ATP6V1E1: variants seen among roughly 807,000 people sequenced by gnomAD.
The protein encoded by ATP6V1E1 is V-type proton ATPase subunit E 1.
Under a neutral mutation model 35.2 loss-of-function variants are expected in ATP6V1E1, and 21 were observed. That is an observed-to-expected ratio of 0.60 (90% CI 0.42 to 0.86). ATP6V1E1 has a LOEUF of 0.86. Ranked by LOEUF, ATP6V1E1 falls within the 40% of genes least tolerant of loss-of-function variation. ATP6V1E1 has a pLI of 0.00. For missense variants in ATP6V1E1, 183 were observed against 272.6 expected (o/e 0.67, Z 2.32); for synonymous variants, 83 against 87.8 (o/e 0.95, Z 0.30).
At chr22:17,603,862 C>CT (rs1371152792) in intron 4 of ATP6V1E1, among the ~76,000 whole-genome samples, 2 of 152,190 alleles carry the variant, frequency 1.3e-5, no homozygotes, top group Non-Finnish European at 2.9e-5. Flanking sequence ...TTTTTCCTCT[C>CT]TGTGCTGGAA....
At chr22:17,593,370 T>C (rs2057714824) in intron 8 of ATP6V1E1, among the ~76,000 whole-genome samples, 1 of 152,144 alleles carries the variant, frequency 6.6e-6, no homozygotes, top group African/African-American at 2.4e-5. Flanking sequence ...CTACACTCTT[T>C]CTTCAACAAA....
chr22:17,620,453 C>G (rs996108306), intron 1 of ATP6V1E1, among the ~76,000 whole-genome samples: 1 of 151,634 alleles, frequency 6.6e-6, no homozygotes, highest in Non-Finnish European at 1.5e-5. Context: ...GGCGAGCAAC[C>G]TTCCCTTCTT....
intron 7 of ATP6V1E1, among the ~76,000 whole-genome samples, chr22:17,596,132 A>AAAATAAATAAATAAATAAATAAAT (rs563541510): frequency 1.1e-4 from 17 of 151,882 alleles, no homozygotes; most frequent in African/African-American, 4.1e-4. Context: ...TCTGTCTCAA[A>AAAATAAATAAATAAATAAATAAAT]AAATAAATAA....
intron 1 of ATP6V1E1, 102 bp from the exon 2 acceptor site, chr22:17,619,628 G>T: frequency 1.0e-6 from 1 of 981,332 alleles, no homozygotes; most frequent in Non-Finnish European, 1.5e-6. Context: ...GCTCACGCCC[G>T]TAATCCTACC....
At position 17,594,596 on chromosome 22, in the gene ATP6V1E1, T is replaced by C. The variant is rs768892237; in HGVS notation, c.551A>G (p.Tyr184Cys). ...AACCTTTATTTTACGATCTCCATTA[T>C]AGATCTCAACTCCACCAGCTCTGCA... ...PEDIAGGVEI[Y>C]NGDRKIKVSN... is the part of the protein sequence containing the mutation. The change falls in exon 8 of 9, where the codon TAT (tyrosine) becomes TGT (cysteine). Residue 184 changes from tyrosine to cysteine, a missense_variant. Transcript: ENST00000253413. The C allele has an allele frequency of 3.8e-5, 61 of 1,587,360 alleles. No homozygotes were observed. In the East Asian group the frequency reaches 1.1e-3, roughly 30 times the overall value.
rs1569202241 is a variant in ATP6V1E1, at chr22:17,598,179, A to G, written c.530+15T>C. On this transcript the variant is annotated intron_variant, in intron 7 of 8. Coordinates refer to ENST00000253413, the MANE Select transcript of ATP6V1E1 (RefSeq NM_001696.4). ...GGGAGAGAAGGTAGCTGTTAGCAGC[A>G]GGAATACTCCTTACATGTCTTCAGG... 1.3e-6 allele frequency: 2 copies of G among 1,595,394 alleles called. No individual in the cohort carries two copies. Among genetic ancestry groups the G allele is most frequent in the Non-Finnish European group, 1.7e-6 (2 of 1,164,016 alleles).
Position 17,600,015 on chromosome 22 carries a change from T to A in ATP6V1E1, c.435+12A>T, listed in dbSNP as rs779947467. 5 of 1,607,204 alleles carry A rather than the reference T, an allele frequency of 3.1e-6. No homozygotes were observed. In the South Asian group the frequency reaches 3.3e-5, roughly 11 times the overall value. On this transcript the variant is annotated intron_variant, in intron 6 of 8. Transcript: ENST00000253413. ...GAGGGAGGGAGGGAAAAAATTATCC[T>A]AAGTTCTTTACCTTTACCAGAGGGA...
At position 17,621,453 on chromosome 22, in the gene ATP6V1E1, G is replaced by A. The variant is rs538349698; in HGVS notation, c.34-1927C>T. ...TGGGACCATAGGTGCGTGTCACCAC[G>A]TCCAGCTTAATTTTGTATTTTTTGT... On this transcript the variant is annotated intron_variant, in intron 1 of 8. Transcript: ENST00000253413. Among the ~76,000 whole-genome samples the A allele has an allele frequency of 2.4e-4, 36 of 152,184 alleles. No individual in the cohort carries two copies. The South Asian group carries it at 3.9e-3, about 17-fold the overall frequency.
intron 1 of ATP6V1E1, among the ~76,000 whole-genome samples, chr22:17,621,006 G>A (rs973056475): frequency 2.0e-5 from 3 of 152,074 alleles, no homozygotes; most frequent in East Asian, 3.9e-4. Context: ...AGCTTGCAGT[G>A]AGCCGAGATC....
chr22:17,598,373 T>C, intron 6 of ATP6V1E1, 85 bp from the exon 7 acceptor site: 1 of 1,036,508 alleles, frequency 9.6e-7, no homozygotes, highest in Non-Finnish European at 1.5e-6. Flanking sequence ...CAAGCAAGGA[T>C]ACCTCCATTT....
At chr22:17,619,006 AG>A (rs1418617905) in intron 2 of ATP6V1E1, 2 of 453,748 alleles carry the variant, frequency 4.4e-6, no homozygotes, top group Non-Finnish European at 8.8e-6. Flanking sequence ...TCAAAATGAA[AG>A]AAGGGGCCAG....
chr22:17,592,851 G>A lies in ATP6V1E1; in HGVS notation c.619-115C>T, dbSNP rs573035197. 4 of 928,518 alleles carry A rather than the reference G, an allele frequency of 4.3e-6. No homozygotes were observed. The Admixed American group carries it at 8.4e-5, about 20-fold the overall frequency. The allele number at this position is 928,518 out of a possible 1,614,324, so 57.5% of individuals were successfully genotyped here. On this transcript the variant is annotated intron_variant, in intron 8 of 8. Transcript: ENST00000253413. ...GGAGTCTCGCTCTGTCGCCCAGGCTGGAGTGCAGTGGCGCATCTCCGCTCA... is the reference window on the plus strand; with the variant it reads ...GGAGTCTCGCTCTGTCGCCCAGGCTAGAGTGCAGTGGCGCATCTCCGCTCA...
intron 2 of ATP6V1E1, among the ~76,000 whole-genome samples, chr22:17,616,010 C>T (rs1160487199): frequency 2.0e-5 from 3 of 150,432 alleles, no homozygotes; most frequent in African/African-American, 4.9e-5. Flanking sequence ...CCAGCCCGGG[C>T]GACAGTGCAA....
At chr22:17,599,489 T>C (rs1285855320) in intron 6 of ATP6V1E1, among the ~76,000 whole-genome samples, 3 of 148,756 alleles carry the variant, frequency 2.0e-5, no homozygotes, top group Admixed American at 6.8e-5. Context: ...GGCAGGAGAA[T>C]TGCTTGAACC....
In ATP6V1E1 at chr22:17,612,883, A is replaced by T. The variant is rs1191619608; in HGVS notation, c.210-5T>A. On this transcript the variant is annotated splice_region_variant and splice_polypyrimidine_tract_variant and intron_variant, in intron 3 of 8. Coordinates refer to ENST00000253413, the MANE Select transcript of ATP6V1E1 (RefSeq NM_001696.4). ...TTCATCAAATTGGACATCTGACTGC[A>T]AAACGGTATTGAAAAATAGCATTAG... 1 of 1,605,690 alleles carries T rather than the reference A, an allele frequency of 6.2e-7. No homozygotes were observed. The highest frequency in any genetic ancestry group is 8.5e-7 in the Non-Finnish European group (1 of 1,177,938).
At chr22:17,618,765 C>G (rs1308205207) in intron 2 of ATP6V1E1, among the ~76,000 whole-genome samples, 1 of 152,004 alleles carries the variant, frequency 6.6e-6, no homozygotes, top group Non-Finnish European at 1.5e-5. Flanking sequence ...TTTGGGAGGC[C>G]CAAGCGGGTG....
At chr22:17,622,589 T>C (rs775167075) in intron 1 of ATP6V1E1, among the ~76,000 whole-genome samples, 14 of 152,264 alleles carry the variant, frequency 9.2e-5, no homozygotes, top group Non-Finnish European at 1.8e-4. Context: ...ATGGCACGCG[T>C]ATCACTATGT....
At chr22:17,618,925 G>A (rs5747282) in intron 2 of ATP6V1E1, 60,447 of 442,046 alleles carry the variant, frequency 0.14, 5,026 homozygotes, top group Non-Finnish European at 0.18. Context: ...ACTTGAACCC[G>A]GGAGGCAGAG....
intron 8 of ATP6V1E1, 97 bp downstream of exon 8, chr22:17,594,432 C>A: frequency 1.0e-6 from 1 of 985,474 alleles, no homozygotes; most frequent in Non-Finnish European, 1.4e-6. Context: ...ACTGGAAAGA[C>A]AGCAACAAAT....
Sources: allele counts gnomAD v4.1 joint callset (sites outside exome capture counted in the v4.1 genomes callset), GRCh38; gene constraint gnomAD v4.1.1; transcripts MANE v1.5; gene names NCBI Gene and HGNC (gene_info 2026-07-23, HGNC 2026-07-21).